Variants in NRG1 observed in about 807,000 individuals in gnomAD.
The protein encoded by NRG1 is pro-neuregulin-1, membrane-bound isoform.
NRG1 carries 18 observed loss-of-function variants against 63.8 expected under a neutral mutation model. The observed-to-expected ratio is 0.28, with a 90% CI of 0.19 to 0.42. The LOEUF (loss-of-function observed/expected upper bound fraction) is 0.42. Among genes scored for constraint, NRG1 ranks in the 10% least tolerant of loss-of-function variants. NRG1 has a pLI of 1.00. For synonymous variants in NRG1, 302 were observed against 301.3 expected, an observed-to-expected ratio of 1.00 and a Z score of -0.02; for missense variants, 762 against 814.7, an observed-to-expected ratio of 0.94 and a Z score of 0.79.
chr8:31,808,688 A>G (rs1002161944), intron 1 of NRG1, among the ~76,000 whole-genome samples: 15 of 152,162 alleles, frequency 9.9e-5, no homozygotes. Flanking sequence ...TAATACCTAG[A>G]CTTATAAATC....
chr8:32,162,313 A>G (rs574223683), intron 1 of NRG1, among the ~76,000 whole-genome samples: 42 of 152,340 alleles, frequency 2.8e-4, no homozygotes, highest in Admixed American at 2.6e-3. Context: ...ATATTGGAGT[A>G]AAAAGGAATA....
intron 1 of NRG1, among the ~76,000 whole-genome samples, chr8:32,552,064 C>T (rs1422901536): frequency 6.6e-6 from 1 of 151,960 alleles, no homozygotes; most frequent in Non-Finnish European, 1.5e-5. Flanking sequence ...GTGTGCGCCA[C>T]CATGCCCAGC....
chr8:32,310,015 C>CT (rs34619398), intron 1 of NRG1, among the ~76,000 whole-genome samples: 69 of 152,292 alleles, frequency 4.5e-4, no homozygotes, highest in East Asian at 1.2e-3. Context: ...CACTGCAGGG[C>CT]TTTTTTTCCC....
At chr8:31,991,862 C>T (rs764591181) in intron 1 of NRG1, among the ~76,000 whole-genome samples, 1 of 151,902 alleles carries the variant, frequency 6.6e-6, no homozygotes, top group African/African-American at 2.4e-5. Flanking sequence ...TTTCTCTATG[C>T]TTCTGCCCTG....
chr8:32,538,983 G>C (rs1183704835), intron 1 of NRG1, among the ~76,000 whole-genome samples: 1 of 152,136 alleles, frequency 6.6e-6, no homozygotes, highest in Non-Finnish European at 1.5e-5. Flanking sequence ...GTTTTGAGTT[G>C]GGTCTGGAAG....
chr8:31,887,530 GAGA>G (rs966270163), intron 1 of NRG1, among the ~76,000 whole-genome samples: 1 of 152,032 alleles, frequency 6.6e-6, no homozygotes, highest in African/African-American at 2.4e-5. Context: ...TACACATATA[GAGA>G]AGATCACTCT....
chr8:31,679,149 G>GT (rs1354502839), intron 1 of NRG1, among the ~76,000 whole-genome samples: 1 of 151,864 alleles, frequency 6.6e-6, no homozygotes, highest in East Asian at 1.9e-4. Context: ...CCACATGTCT[G>GT]TTTCCTTTCC....
intron 1 of NRG1, among the ~76,000 whole-genome samples, chr8:31,777,707 C>T (rs1483689454): frequency 6.6e-6 from 1 of 152,124 alleles, no homozygotes; most frequent in Non-Finnish European, 1.5e-5. Flanking sequence ...GAAGCTTCCA[C>T]CCATGGCAGA....
intron 1 of NRG1, among the ~76,000 whole-genome samples, chr8:31,818,114 A>G (rs6987310): frequency 0.18 from 27,455 of 152,198 alleles, 3,155 homozygotes; most frequent in Non-Finnish European, 0.25. Context: ...CTCTAAAAAA[A>G]AAGAAAGTAA....
chr8:31,951,167 C>T (rs1344443109), intron 1 of NRG1, among the ~76,000 whole-genome samples: 2 of 152,142 alleles, frequency 1.3e-5, no homozygotes, highest in Non-Finnish European at 2.9e-5. Flanking sequence ...GTTGAAAAGC[C>T]TTTGAGGTTG....
At chr8:32,591,921 A>C (rs944224816) in intron 1 of NRG1, among the ~76,000 whole-genome samples, 2 of 152,102 alleles carry the variant, frequency 1.3e-5, no homozygotes, top group African/African-American at 2.4e-5. Context: ...AAATCTGCAC[A>C]TGTACCCCCT....
intron 1 of NRG1, among the ~76,000 whole-genome samples, chr8:32,394,108 C>T (rs141636763): frequency 6.6e-6 from 1 of 152,242 alleles, no homozygotes; most frequent in African/African-American, 2.4e-5. Flanking sequence ...TTTAATGTAA[C>T]AGTAACACAG....
chr8:32,204,259 C>G (rs999070681), intron 1 of NRG1, among the ~76,000 whole-genome samples: 2 of 152,202 alleles, frequency 1.3e-5, no homozygotes, highest in African/African-American at 4.8e-5. Context: ...TGGTATAAGA[C>G]AGCAAACCAT....
intron 1 of NRG1, among the ~76,000 whole-genome samples, chr8:32,355,314 C>G (rs377057176): frequency 7.3e-4 from 111 of 152,020 alleles, no homozygotes; most frequent in South Asian, 2.9e-3. Context: ...AAAAAATTAG[C>G]CGGGCGTGGT....
chr8:31,970,906 C>T lies in NRG1; in HGVS notation c.37+331475C>T, dbSNP rs538976302. On this transcript the variant is annotated intron_variant, in intron 1 of 10. Transcript: ENST00000519301. ...AACACCCATATCAAAACAACTTGCG[C>T]GGTGGCGGGCGCCTGTAGTCCCAGC... Among the ~76,000 whole-genome samples the T allele has an allele frequency of 5.3e-5, 8 of 152,130 alleles. 1 individual carries two copies. Among genetic ancestry groups the T allele is most frequent in the Admixed American group, 2.0e-4 (3 of 15,290 alleles).
At chr8:32,596,151 T>C (rs1843323240) in intron 2 of NRG1, 146 bp downstream of exon 2, 3 of 637,454 alleles carry the variant, frequency 4.7e-6, no homozygotes, top group Admixed American at 3.3e-5. Context: ...TGACAAAAAA[T>C]CATGTTATCA....
chr8:32,215,270 A>G (rs1586142971), intron 1 of NRG1, among the ~76,000 whole-genome samples: 1 of 152,220 alleles, frequency 6.6e-6, no homozygotes, highest in Non-Finnish European at 1.5e-5. Context: ...AAAAAGGGCT[A>G]TGTGGTCCCA....
intron 1 of NRG1, among the ~76,000 whole-genome samples, chr8:31,699,908 A>C (rs903851336): frequency 6.6e-6 from 1 of 152,204 alleles, no homozygotes; most frequent in Non-Finnish European, 1.5e-5. Flanking sequence ...TGCTGGAAAA[A>C]GAAAGGACAG....
chr8:32,084,982 A>T (rs187585704), intron 1 of NRG1, among the ~76,000 whole-genome samples: 1 of 152,214 alleles, frequency 6.6e-6, no homozygotes, highest in Non-Finnish European at 1.5e-5. Context: ...AAGATAGTGA[A>T]TGACATATAG....
Sources: gnomAD v4.1 joint callset for allele counts (sites outside exome capture counted in the v4.1 genomes callset) on GRCh38, gnomAD v4.1.1 for gene constraint, MANE v1.5 for transcripts, NCBI Gene and HGNC (gene_info 2026-07-23, HGNC 2026-07-21) for gene names.